Variants in MAST2 observed in about 807,000 individuals in gnomAD.
MAST2 encodes the protein microtubule associated serine/threonine kinase 2.
Under a neutral mutation model 147.4 loss-of-function variants are expected in MAST2, and 70 were observed. The observed-to-expected ratio is 0.47, with a 90% CI of 0.39 to 0.58. The LOEUF (loss-of-function observed/expected upper bound fraction) is 0.58. Ranked by LOEUF, MAST2 falls within the 20% of genes least tolerant of loss-of-function variation. MAST2 has a pLI of 0.00. For synonymous variants in MAST2, 869 were observed against 896.8 expected, an observed-to-expected ratio of 0.97 and a Z score of 0.55; for missense variants, 2,080 against 2,302.3, an observed-to-expected ratio of 0.90 and a Z score of 1.98.
Position 45,930,391 on chromosome 1 carries a change from TTTTTGTTTTG to T in MAST2, c.501-28966_501-28957del, listed in dbSNP as rs59192448. On this transcript the variant is annotated intron_variant, in intron 4 of 28. Coordinates refer to ENST00000361297, the MANE Select transcript of MAST2 (RefSeq NM_015112.3). ...ACCGCGCCTGGCCTGTTTTTTGTTT[TTTTTGTTTTG>T]TTTTGTTTTGTTTTGTTTTGTTTTG... Among the ~76,000 whole-genome samples, 215 of 147,276 alleles carry T rather than the reference TTTTTGTTTTG, an allele frequency of 1.5e-3. 1 individual carries two copies. Among genetic ancestry groups the T allele is most frequent in the African/African-American group, 4.7e-3 (185 of 39,542 alleles).
chr1:45,804,144 A>T, intron 1 of MAST2, 72 bp downstream of exon 1: 1 of 1,225,874 alleles, frequency 8.2e-7, no homozygotes, highest in East Asian at 3.5e-5. Context: ...CGGCGGGAGG[A>T]CCCGGGCTGG....
At chr1:45,919,884 G>A (rs1377882981) in intron 4 of MAST2, among the ~76,000 whole-genome samples, 2 of 151,564 alleles carry the variant, frequency 1.3e-5, no homozygotes, top group Non-Finnish European at 2.9e-5. Flanking sequence ...GCCATGCAAA[G>A]TGCCAGTTCA....
chr1:46,027,704 CTTAATT>C (rs1646473021), intron 16 of MAST2, 21 bp from the exon 17 acceptor site: 3 of 1,599,700 alleles, frequency 1.9e-6, no homozygotes, highest in Admixed American at 1.7e-5. Flanking sequence ...GGAATAACTT[CTTAATT>C]TTATTTCTTC....
intron 15 of MAST2, chr1:46,024,388 C>T (rs1171023901): frequency 1.7e-5 from 4 of 237,400 alleles, no homozygotes; most frequent in Non-Finnish European, 3.4e-5. Flanking sequence ...GGGGACACCC[C>T]TTAAAACCAA....
intron 5 of MAST2, among the ~76,000 whole-genome samples, chr1:45,973,911 T>C (rs1387256687): frequency 6.6e-6 from 1 of 152,114 alleles, no homozygotes; most frequent in African/African-American, 2.4e-5. Context: ...CAAAACCTAA[T>C]TGGTGAGTCA....
At chr1:45,859,703 A>T (rs1260661522) in intron 3 of MAST2, among the ~76,000 whole-genome samples, 1 of 152,250 alleles carries the variant, frequency 6.6e-6, no homozygotes, top group Non-Finnish European at 1.5e-5. Context: ...ACTGATAAAT[A>T]AAAGGATAAT....
chr1:45,993,771 C>T (rs189449214), intron 5 of MAST2, among the ~76,000 whole-genome samples: 25 of 152,166 alleles, frequency 1.6e-4, no homozygotes, highest in African/African-American at 5.8e-4. Context: ...CAGGCTGCTA[C>T]AAAACTGCCC....
chr1:45,821,594 G>A (rs565318139), intron 1 of MAST2, among the ~76,000 whole-genome samples: 14 of 139,914 alleles, frequency 1.0e-4, no homozygotes, highest in African/African-American at 3.5e-4. Context: ...ATCTTGGCTC[G>A]CTGCAACCTC....
chr1:46,034,025 G>T lies in MAST2; in HGVS notation c.3675-48G>T, dbSNP rs1646790761. The stretch of plus-strand genomic sequence containing the variant: ...TGCCTTGGCCCTGGGGGTCCAGTGT[G>T]TGCTGTGCTCACTGCACCGACTCAG... On this transcript the variant is annotated intron_variant, in intron 27 of 28. Coordinates refer to ENST00000361297, the MANE Select transcript of MAST2 (RefSeq NM_015112.3). The T allele has an allele frequency of 1.9e-6, 3 of 1,607,022 alleles. No homozygotes were observed. In the African/African-American group the frequency reaches 4.0e-5, roughly 21 times the overall value.
chr1:45,985,866 T>TA (rs1644593516), intron 5 of MAST2, among the ~76,000 whole-genome samples: 2 of 152,396 alleles, frequency 1.3e-5, no homozygotes, highest in South Asian at 4.1e-4. Context: ...TATGCAATTA[T>TA]AAGTGGTATT....
In MAST2 at chr1:46,002,819, G is replaced by A. The variant is rs376801657; in HGVS notation, c.683G>A (p.Arg228His). The change falls in exon 7 of 29, where the codon CGC becomes CAC. Residue 228 changes from arginine (R) to histidine (H), a missense_variant. By Grantham distance (29) the Arg-to-His change is conservative. This residue lies in a region of MAST2 where 569 missense variants were observed against 642.5 expected (regional missense o/e 0.89). Transcript: ENST00000361297. Reference sequence around the variant, plus strand: ...CTTGCATACAGGACTGATGGGCGGCGCTGGTCTTTGGCCTCTTTGCCCTCT... The same window carrying A: ...CTTGCATACAGGACTGATGGGCGGCACTGGTCTTTGGCCTCTTTGCCCTCT... ...FVPARRTDGR[R>H]WSLASLPSSG... The A allele has an allele frequency of 3.1e-6, 5 of 1,614,024 alleles. No individual in the cohort carries two copies. Among genetic ancestry groups the A allele is most frequent in the African/African-American group, 1.3e-5 (1 of 74,922 alleles).
intron 5 of MAST2, among the ~76,000 whole-genome samples, chr1:45,976,993 T>C (rs573178696): frequency 4.6e-5 from 7 of 152,298 alleles, no homozygotes; most frequent in East Asian, 3.9e-4. Flanking sequence ...GCAAAATCCA[T>C]TGGATGTTTG....
rs986142238 is a variant in MAST2 at position 46,035,920 on chromosome 1, G to A, written c.5251G>A (p.Gly1751Ser). 5 of 1,613,958 alleles carry A rather than the reference G, an allele frequency of 3.1e-6. No homozygotes were observed. The African/African-American group carries it at 6.7e-5, about 22-fold the overall frequency. ...CATCACCCAAGTGCCTGATGCCTCA[G>A]GTGACAGAAGGCAGGACGTTCCATG... ...LSITQVPDAS[G>S]DRRQDVPCRG... The change falls in exon 29 of 29, where the codon GGT becomes AGT. Residue 1751 changes from glycine to serine, a missense_variant. This residue lies in a region of MAST2 where 1,278 missense variants were observed against 1,304.2 expected (regional missense o/e 0.98). Transcript: ENST00000361297. This position sits in a 1 kb window ranked among gnomAD's most constrained non-coding sequence, Gnocchi z 5.5.
intron 4 of MAST2, among the ~76,000 whole-genome samples, chr1:45,885,502 A>C (rs996669859): frequency 3.3e-5 from 5 of 152,232 alleles, no homozygotes; most frequent in Admixed American, 6.5e-5. Context: ...CATTATACAA[A>C]ATACACATTC....
Position 45,970,798 on chromosome 1 carries a change from GT to G in MAST2, c.592+11338del, listed in dbSNP as rs770669631. On this transcript the variant is annotated intron_variant, in intron 5 of 28. Coordinates refer to ENST00000361297, the MANE Select transcript of MAST2 (RefSeq NM_015112.3). ...TCACTTCGCTGACAGACTAAGAAGT[GT>G]TTTTTTTTTTTTTTTTCTCCTCCAG... Among the ~76,000 whole-genome samples the G allele has an allele frequency of 4.5e-3, 587 of 130,676 alleles. 5 individuals carry two copies. The highest frequency in any genetic ancestry group is 7.8e-3 in the African/African-American group (271 of 34,946). 85.7% of individuals were successfully genotyped at this position (130,676 alleles called of 152,430 possible). A position where few individuals can be genotyped will look rare whatever the true frequency, so the allele number is the denominator to read the frequency against.
At chr1:46,008,426 G>A in intron 9 of MAST2, 55 bp downstream of exon 9, 1 of 1,194,136 alleles carries the variant, frequency 8.4e-7, no homozygotes, top group African/African-American at 1.5e-5. Flanking sequence ...GCTGCCTACA[G>A]CCAGCCCCAA....
intron 5 of MAST2, among the ~76,000 whole-genome samples, chr1:45,969,391 A>G (rs534319432): frequency 1.1e-4 from 17 of 152,304 alleles, no homozygotes; most frequent in African/African-American, 4.1e-4. Flanking sequence ...GGTACTTCTC[A>G]TGGCCTGTTA....
At chr1:45,955,730 G>A (rs1408209350) in intron 4 of MAST2, among the ~76,000 whole-genome samples, 1 of 152,282 alleles carries the variant, frequency 6.6e-6, no homozygotes, top group Middle Eastern at 3.4e-3. Context: ...TAAGAAAGGC[G>A]AGGAGGCCGG....
At chr1:45,978,905 T>C (rs1238660106) in intron 5 of MAST2, among the ~76,000 whole-genome samples, 1 of 152,178 alleles carries the variant, frequency 6.6e-6, no homozygotes, top group Non-Finnish European at 1.5e-5. Flanking sequence ...TAGATTCATT[T>C]TTGGGCGATA....
Sources: gnomAD v4.1 joint callset for allele counts (sites outside exome capture counted in the v4.1 genomes callset) on GRCh38, gnomAD v4.1.1 for gene constraint, gnomAD v4.1.1 regional missense constraint, Gnocchi (gnomAD v3.1) non-coding constraint, MANE v1.5 for transcripts, NCBI Gene and HGNC (gene_info 2026-07-23, HGNC 2026-07-21) for gene names.